HIVEP3: variants seen among roughly 807,000 people sequenced by gnomAD.
HIVEP3 encodes the protein transcription factor HIVEP3.
In HIVEP3, 49 loss-of-function variants were observed where a neutral mutation model predicts 152.8. That is an observed-to-expected ratio of 0.32 (90% CI 0.26 to 0.41). HIVEP3 has a LOEUF of 0.41. Among genes scored for constraint, HIVEP3 ranks in the 10% least tolerant of loss-of-function variants. The pLI, the probability that HIVEP3 is intolerant of heterozygous loss-of-function variation, is 1.00. For synonymous variants in HIVEP3, 1,269 were observed against 1,289.0 expected, an observed-to-expected ratio of 0.98 and a Z score of 0.33; for missense variants, 2,790 against 3,103.3, an observed-to-expected ratio of 0.90 and a Z score of 2.40.
chr1:41,968,483 A>G (rs987748049), intron 1 of HIVEP3, among the ~76,000 whole-genome samples: 13 of 152,220 alleles, frequency 8.5e-5, no homozygotes, highest in African/African-American at 2.9e-4. Context: ...ATAGAGGCAG[A>G]AAAGTCCTTT....
At chr1:41,906,297 A>G (rs1644708455) in intron 1 of HIVEP3, among the ~76,000 whole-genome samples, 1 of 150,822 alleles carries the variant, frequency 6.6e-6, no homozygotes, top group Non-Finnish European at 1.5e-5. Flanking sequence ...CAACACAGCA[A>G]GACTCTGTCT....
chr1:41,630,928 T>G (rs1342256473), intron 2 of HIVEP3, among the ~76,000 whole-genome samples: 1 of 152,226 alleles, frequency 6.6e-6, no homozygotes, highest in Non-Finnish European at 1.5e-5. Flanking sequence ...AAAAGCATAT[T>G]GTATTCCCCA....
At chr1:41,968,794 C>A (rs866756359) in intron 1 of HIVEP3, among the ~76,000 whole-genome samples, 8 of 152,072 alleles carry the variant, frequency 5.3e-5, no homozygotes, top group African/African-American at 1.9e-4. Context: ...TGACATAATC[C>A]TATATCCAGA....
At chr1:41,751,960 T>C (rs541803417) in intron 1 of HIVEP3, among the ~76,000 whole-genome samples, 1 of 152,320 alleles carries the variant, frequency 6.6e-6, no homozygotes, top group East Asian at 1.9e-4. Flanking sequence ...TTCTCCAACA[T>C]GACCCTGTCC....
At chr1:41,793,242 G>C (rs2124301264) in intron 1 of HIVEP3, among the ~76,000 whole-genome samples, 1 of 152,340 alleles carries the variant, frequency 6.6e-6, no homozygotes. Flanking sequence ...AATTGCTCCT[G>C]ATACCTGAGC....
At chr1:41,702,172 C>T (rs1245350715) in intron 1 of HIVEP3, among the ~76,000 whole-genome samples, 1 of 152,000 alleles carries the variant, frequency 6.6e-6, no homozygotes. Context: ...CAAATGGGCA[C>T]CCGAGGATTA....
intron 1 of HIVEP3, among the ~76,000 whole-genome samples, chr1:41,941,286 A>G (rs1570829607): frequency 6.6e-6 from 1 of 152,316 alleles, no homozygotes; most frequent in African/African-American, 2.4e-5. Flanking sequence ...AGGTTTGTCT[A>G]CTAATGGGAA....
In HIVEP3 at chr1:41,511,532, G is replaced by A. The variant is rs1293824260; in HGVS notation, c.6406-266C>T. On this transcript the variant is annotated intron_variant, in intron 8 of 8. Coordinates refer to ENST00000372583, the MANE Select transcript of HIVEP3 (RefSeq NM_024503.5). The surrounding 1 kb of genome is among the most constrained non-coding windows in gnomAD (Gnocchi z 4.9). The stretch of plus-strand genomic sequence containing the variant: ...CTCCATGCCTCTAGCCAGCATATCT[G>A]TCTTCAAAGGAGGGGATACTTGAGC... Among the ~76,000 whole-genome samples the A allele has an allele frequency of 2.0e-5, 3 of 152,150 alleles. No individual in the cohort carries two copies. Among genetic ancestry groups the A allele is most frequent in the Non-Finnish European group, 4.4e-5 (3 of 68,026 alleles).
intron 7 of HIVEP3, among the ~76,000 whole-genome samples, chr1:41,514,760 G>T (rs1558018117): frequency 6.6e-6 from 1 of 152,228 alleles, no homozygotes; most frequent in Non-Finnish European, 1.5e-5. Context: ...GTTCACAAGA[G>T]TAAACAAAAA....
At chr1:41,993,466 G>A (rs1405463786) in intron 1 of HIVEP3, among the ~76,000 whole-genome samples, 4 of 151,482 alleles carry the variant, frequency 2.6e-5, no homozygotes, top group Non-Finnish European at 4.4e-5. Context: ...TCTCACACCA[G>A]TTAGAATGGC....
intron 1 of HIVEP3, among the ~76,000 whole-genome samples, chr1:41,879,462 T>G (rs1170164966): frequency 6.6e-6 from 1 of 152,240 alleles, no homozygotes; most frequent in Non-Finnish European, 1.5e-5. Flanking sequence ...TGAATGACCT[T>G]CTCTTCCCCT....
chr1:41,920,785 A>G (rs1253295099), upstream of HIVEP3, among the ~76,000 whole-genome samples: 1 of 152,176 alleles, frequency 6.6e-6, no homozygotes, highest in Non-Finnish European at 1.5e-5. Flanking sequence ...ATGTATCATG[A>G]TGCCACACAA....
chr1:41,561,817 T>C (rs1011701104), intron 5 of HIVEP3, among the ~76,000 whole-genome samples: 8 of 100,108 alleles, frequency 8.0e-5, no homozygotes, highest in Non-Finnish European at 1.1e-4. Flanking sequence ...TGCATTTTAG[T>C]TTTCATTGTT....
chr1:41,519,285 A>T (rs2149049722), intron 6 of HIVEP3, among the ~76,000 whole-genome samples: 1 of 152,286 alleles, frequency 6.6e-6, no homozygotes, highest in East Asian at 1.9e-4. Flanking sequence ...ACTTTGCCCC[A>T]AGTTGTAGGT....
At chr1:41,960,737 A>G (rs1258052952) in intron 1 of HIVEP3, among the ~76,000 whole-genome samples, 4 of 152,072 alleles carry the variant, frequency 2.6e-5, no homozygotes, top group Non-Finnish European at 5.9e-5. Context: ...CCACTTTTGC[A>G]CGCCCACAGT....
At chr1:41,804,196 T>C (rs1179469510) in intron 1 of HIVEP3, among the ~76,000 whole-genome samples, 1 of 152,252 alleles carries the variant, frequency 6.6e-6, no homozygotes, top group African/African-American at 2.4e-5. Context: ...CTCCGATTTC[T>C]GCCTAACGAC....
At chr1:41,619,047 C>T (rs1433130592) in intron 3 of HIVEP3, among the ~76,000 whole-genome samples, 3 of 152,032 alleles carry the variant, frequency 2.0e-5, no homozygotes, top group Admixed American at 1.3e-4. Flanking sequence ...CAGCCTCCTT[C>T]GGCAGGACAG....
chr1:41,723,384 T>C (rs1490001290), intron 1 of HIVEP3, among the ~76,000 whole-genome samples: 6 of 151,948 alleles, frequency 3.9e-5, no homozygotes, highest in Admixed American at 6.6e-5. Context: ...CATGGAATTC[T>C]TGGGGGAACT....
chr1:41,697,431 A>G (rs867246083), intron 2 of HIVEP3, among the ~76,000 whole-genome samples: 2 of 152,234 alleles, frequency 1.3e-5, no homozygotes, highest in South Asian at 2.1e-4. Context: ...GAGCCCCTCC[A>G]CGTGCACGCC....
Sources: allele counts gnomAD v4.1 joint callset (sites outside exome capture counted in the v4.1 genomes callset), GRCh38; gene constraint gnomAD v4.1.1; non-coding constraint Gnocchi (gnomAD v3.1); transcripts MANE v1.5; gene names NCBI Gene and HGNC (gene_info 2026-07-23, HGNC 2026-07-21).